The following RBPMS variants were observed in gnomAD, a reference collection of about 807,000 sequenced individuals.
RBPMS encodes the protein RNA-binding protein with multiple splicing.
RBPMS carries 7 observed loss-of-function variants against 26.8 expected under a neutral mutation model. The ratio of observed to expected loss-of-function variants is 0.26; its 90% CI spans 0.15 to 0.49. The LOEUF (loss-of-function observed/expected upper bound fraction) is 0.49. RBPMS is among the 20% of genes least tolerant of loss of function. The pLI is 0.98. For synonymous variants in RBPMS, 96 were observed against 93.3 expected (o/e 1.03, Z -0.17); for missense variants, 186 against 250.0 (o/e 0.74, Z 1.73).
chr8:30,481,576 C>CT (rs779806011), intron 4 of RBPMS, among the ~76,000 whole-genome samples: 6 of 151,744 alleles, frequency 4.0e-5, no homozygotes, highest in Non-Finnish European at 5.9e-5. Flanking sequence ...GTACGCCTTT[C>CT]TTTAGCACTG....
At chr8:30,393,563 C>T (rs1214911348) in intron 1 of RBPMS, among the ~76,000 whole-genome samples, 1 of 151,634 alleles carries the variant, frequency 6.6e-6, no homozygotes, top group Non-Finnish European at 1.5e-5. Context: ...TGCGCTGTCA[C>T]TCAGCCTGGA....
intron 1 of RBPMS, among the ~76,000 whole-genome samples, chr8:30,446,255 A>G (rs1422775799): frequency 1.3e-5 from 2 of 152,214 alleles, no homozygotes; most frequent in African/African-American, 2.4e-5. Flanking sequence ...AGATTTGGTC[A>G]TGTAATACAC....
At chr8:30,459,888 T>C (rs1815692046) in intron 1 of RBPMS, among the ~76,000 whole-genome samples, 1 of 152,244 alleles carries the variant, frequency 6.6e-6, no homozygotes, top group Non-Finnish European at 1.5e-5. Context: ...TCGCCCTTTT[T>C]TTCCTCTCAC....
rs1819046434 is a variant in RBPMS at position 30,488,607 on chromosome 8, GA to G, written c.246+9234del. Among the ~76,000 whole-genome samples the G allele has an allele frequency of 3.3e-5, 5 of 152,260 alleles. No individual in the cohort carries two copies. The South Asian group carries it at 1.0e-3, about 32-fold the overall frequency. On this transcript the variant is annotated intron_variant, in intron 4 of 8. Transcript: ENST00000397323. ...GGATGACCCTAGGTAACTCTAGCAG[GA>G]AAATGTTGATTTTAACAAAATTTCA...
chr8:30,492,016 T>C (rs1397953883), intron 4 of RBPMS, among the ~76,000 whole-genome samples: 1 of 152,112 alleles, frequency 6.6e-6, no homozygotes, highest in African/African-American at 2.4e-5. Flanking sequence ...CTCAGCCTCC[T>C]GAGTAGCTGG....
intron 1 of RBPMS, among the ~76,000 whole-genome samples, chr8:30,410,820 C>CG (rs1283487321): frequency 2.7e-5 from 4 of 150,714 alleles, no homozygotes; most frequent in African/African-American, 4.9e-5. Flanking sequence ...ACTGCAGCCT[C>CG]TAAGTCCCAA....
At chr8:30,555,577 G>C (rs1404156661) in intron 6 of RBPMS, among the ~76,000 whole-genome samples, 1 of 152,202 alleles carries the variant, frequency 6.6e-6, no homozygotes, top group Non-Finnish European at 1.5e-5. Flanking sequence ...AAGAGAGAGA[G>C]GGTGTGTGTT....
intron 4 of RBPMS, among the ~76,000 whole-genome samples, chr8:30,484,429 A>G (rs6997017): frequency 0.47 from 71,956 of 151,908 alleles, 17,141 homozygotes; most frequent in Middle Eastern, 0.58. Context: ...GAAAAACTCA[A>G]CCCTCATATT....
chr8:30,505,705 T>G (rs940853566), intron 5 of RBPMS, among the ~76,000 whole-genome samples: 10 of 152,228 alleles, frequency 6.6e-5, no homozygotes, highest in South Asian at 2.1e-4. Flanking sequence ...TTCTTCATCC[T>G]TATAGTATCT....
intron 6 of RBPMS, chr8:30,556,662 C>T: frequency 1.0e-6 from 1 of 986,006 alleles, no homozygotes; most frequent in Non-Finnish European, 1.2e-6. Context: ...GTTTAGGTGT[C>T]CAGCCCCCCA....
At position 30,570,834 on chromosome 8, in the gene RBPMS, G is replaced by GAAACGTAAGAGAAGTCAACAATAAAA. The variant is rs1828221457; in HGVS notation, c.*310_*335dup. On this transcript the variant is annotated 3_prime_UTR_variant, in exon 9 of 9. Coordinates refer to ENST00000397323, the MANE Select transcript of RBPMS (RefSeq NM_001008710.3). ...GTACAGTTTGGAGATATTTTCAAAC[G>GAAACGTAAGAGAAGTCAACAATAAAA]AAACGTAAGAGAAGTCAACAATAAA... The GAAACGTAAGAGAAGTCAACAATAAAA allele has an allele frequency of 1.3e-5, 2 of 152,356 alleles. No homozygotes were observed. Among genetic ancestry groups the GAAACGTAAGAGAAGTCAACAATAAAA allele is most frequent in the African/African-American group, 4.8e-5 (2 of 41,352 alleles). 9.4% of individuals were successfully genotyped at this position (152,356 alleles called of 1,614,324 possible).
chr8:30,465,023 T>C (rs984350425), intron 1 of RBPMS, among the ~76,000 whole-genome samples: 9 of 152,218 alleles, frequency 5.9e-5, no homozygotes, highest in African/African-American at 2.2e-4. Flanking sequence ...AAGTAACATT[T>C]CATAGGCTGA....
chr8:30,544,685 T>G (rs1825717716), intron 6 of RBPMS, 61 bp downstream of exon 6: 1 of 1,608,264 alleles, frequency 6.2e-7, no homozygotes, highest in Admixed American at 1.7e-5. Context: ...TCAAACTTGG[T>G]TCCCGAGAGC....
At chr8:30,555,878 A>G (rs1433884339) in intron 6 of RBPMS, 32 of 985,304 alleles carry the variant, frequency 3.2e-5, no homozygotes, top group Non-Finnish European at 3.7e-5. Context: ...CATTACCCCC[A>G]CACAGTGATT....
chr8:30,547,187 T>G, intron 6 of RBPMS: 3 of 813,436 alleles, frequency 3.7e-6, no homozygotes, highest in African/African-American at 1.7e-5. Context: ...AATTCAGTCT[T>G]TGTTTTGGAA....
intron 7 of RBPMS, chr8:30,561,794 A>C: frequency 2.2e-6 from 2 of 901,252 alleles, no homozygotes; most frequent in Non-Finnish European, 2.7e-6. Context: ...TTGGCCTGGG[A>C]CCTAAGGAAG....
intron 6 of RBPMS, among the ~76,000 whole-genome samples, chr8:30,554,772 A>T (rs1052183066): frequency 2.0e-5 from 3 of 152,212 alleles, no homozygotes; most frequent in Non-Finnish European, 4.4e-5. Flanking sequence ...AGAAGAAAAC[A>T]GTCCAACCAG....
intron 1 of RBPMS, among the ~76,000 whole-genome samples, chr8:30,436,574 T>C (rs975329366): frequency 2.0e-5 from 3 of 152,194 alleles, no homozygotes; most frequent in Non-Finnish European, 2.9e-5. Context: ...GCTCTGAGCA[T>C]AGCTGTTCTA....
intron 1 of RBPMS, among the ~76,000 whole-genome samples, chr8:30,442,039 C>A (rs1467906696): frequency 6.6e-6 from 1 of 152,124 alleles, no homozygotes; most frequent in Non-Finnish European, 1.5e-5. Flanking sequence ...CCGCCCGCCT[C>A]AGCCTCCCCA....
Sources: gnomAD v4.1 joint callset for allele counts (sites outside exome capture counted in the v4.1 genomes callset) on GRCh38, gnomAD v4.1.1 for gene constraint, MANE v1.5 for transcripts, NCBI Gene and HGNC (gene_info 2026-07-23, HGNC 2026-07-21) for gene names.